The following FARP1 variants were observed in gnomAD, a reference collection of about 807,000 sequenced individuals.
The protein encoded by FARP1 is FERM, ARH/RhoGEF and pleckstrin domain protein 1.
Under a neutral mutation model 128.8 loss-of-function variants are expected in FARP1, and 52 were observed. The observed-to-expected ratio is 0.40, with a 90% confidence interval of 0.32 to 0.51. The LOEUF (loss-of-function observed/expected upper bound fraction) is 0.51. FARP1 is among the 20% of genes least tolerant of loss of function. The pLI is 0.45. For missense variants in FARP1, 1,333 were observed against 1,367.9 expected, an observed-to-expected ratio of 0.97 and a Z score of 0.40; for synonymous variants, 580 against 551.8, an observed-to-expected ratio of 1.05 and a Z score of -0.72.
In FARP1 at chr13:98,176,442, G is replaced by A. The variant is rs1878037477; in HGVS notation, c.-24+32950G>A. ...AATGCCTGCACTTGGTGACGACTGG[G>A]TTTTGGAAGGCCTGGCGACATATGA... On this transcript the variant is annotated intron_variant, in intron 1 of 26. Coordinates refer to ENST00000319562, the MANE Select transcript of FARP1 (RefSeq NM_005766.4). This position sits in a 1 kb window ranked among gnomAD's most constrained non-coding sequence, Gnocchi z 6.2. The A allele has an allele frequency of 6.2e-7, 1 of 1,614,114 alleles. No individual in the cohort carries two copies. Among genetic ancestry groups the A allele is most frequent in the African/African-American group, 1.3e-5 (1 of 74,936 alleles).
intron 1 of FARP1, among the ~76,000 whole-genome samples, chr13:98,171,986 C>T (rs1877686461): frequency 6.6e-6 from 1 of 152,208 alleles, no homozygotes; most frequent in Non-Finnish European, 1.5e-5. Flanking sequence ...TCTCTGGCTG[C>T]AGGTGTTGTG....
intron 2 of FARP1, among the ~76,000 whole-genome samples, chr13:98,293,273 G>A (rs1431345962): frequency 1.3e-5 from 2 of 152,150 alleles, no homozygotes; most frequent in African/African-American, 2.4e-5. Flanking sequence ...TATTTACCAA[G>A]CTAAGGAGGT....
Position 98,170,853 on chromosome 13 carries a change from C to G in FARP1, c.-24+27361C>G, listed in dbSNP as rs1353827080. 2.6e-5 allele frequency among the ~76,000 whole-genome samples: 4 copies of G among 152,158 alleles called. No homozygotes were observed. The South Asian group carries it at 8.3e-4, about 32-fold the overall frequency. On this transcript the variant is annotated intron_variant, in intron 1 of 26. Coordinates refer to ENST00000319562, the MANE Select transcript of FARP1 (RefSeq NM_005766.4). The stretch of plus-strand genomic sequence containing the variant: ...TGTTTTGGATGTGACTTTCATTTTG[C>G]AGGCTTTTCTTGAATGCGTACTGAT...
At chr13:98,442,302 T>C (rs1189622295) in intron 24 of FARP1, among the ~76,000 whole-genome samples, 2 of 152,232 alleles carry the variant, frequency 1.3e-5, no homozygotes, top group African/African-American at 4.8e-5. Context: ...CAGTGCTTCA[T>C]GGAGGGTCTC....
intron 2 of FARP1, among the ~76,000 whole-genome samples, chr13:98,327,648 G>A (rs1455768401): frequency 6.6e-6 from 1 of 152,198 alleles, no homozygotes; most frequent in Non-Finnish European, 1.5e-5. Context: ...TCTTGTCCAT[G>A]GGGGATACAT....
chr13:98,265,972 C>T (rs551228986), intron 2 of FARP1, among the ~76,000 whole-genome samples: 1 of 152,220 alleles, frequency 6.6e-6, no homozygotes, highest in South Asian at 2.1e-4. Context: ...TCCCTTGTTT[C>T]CCAAGGGTGA....
chr13:98,272,453 C>G (rs993011925), intron 2 of FARP1, among the ~76,000 whole-genome samples: 1 of 152,112 alleles, frequency 6.6e-6, no homozygotes, highest in Non-Finnish European at 1.5e-5. Flanking sequence ...TTTGGGAACC[C>G]GTTCGTGAAA....
intron 2 of FARP1, among the ~76,000 whole-genome samples, chr13:98,324,912 G>A (rs1313799477): frequency 1.3e-5 from 2 of 152,192 alleles, no homozygotes; most frequent in African/African-American, 2.4e-5. Context: ...GCTGCCTTCC[G>A]AACTATTATT....
intron 4 of FARP1, among the ~76,000 whole-genome samples, chr13:98,366,934 A>C (rs1889112318): frequency 1.3e-5 from 2 of 152,244 alleles, no homozygotes; most frequent in South Asian, 4.1e-4. Context: ...ATACATAATT[A>C]GTATTTGTAT....
chr13:98,297,579 T>G (rs2139686974), intron 2 of FARP1, among the ~76,000 whole-genome samples: 1 of 152,308 alleles, frequency 6.6e-6, no homozygotes, highest in Middle Eastern at 3.4e-3. Context: ...AACTGCCCCG[T>G]GTTTAAATGA....
intron 1 of FARP1, among the ~76,000 whole-genome samples, chr13:98,206,598 A>T (rs1270888052): frequency 1.3e-5 from 2 of 152,150 alleles, no homozygotes; most frequent in African/African-American, 4.8e-5. Context: ...GATGTCTCCC[A>T]GTTTCCTCAG....
rs537649307 is a variant in FARP1, at chr13:98,357,162, T to TG, written c.277-8227dup. On this transcript the variant is annotated intron_variant, in intron 3 of 26. Transcript: ENST00000319562. ...CAGACTAACAATCCTTGCCTTTTAA[T>TG]GGGGGGTGGAGGGGTTAGACCATTT... Among the ~76,000 whole-genome samples, 45 of 152,280 alleles carry TG rather than the reference T, an allele frequency of 3.0e-4. 2 individuals are homozygous for TG. The East Asian group carries it at 7.9e-3, about 27-fold the overall frequency.
chr13:98,213,231 G>T lies in FARP1; in HGVS notation c.-12G>T. ...ACTGCTTCCTGCAGATATTCTCTAA[G>T]CCGCTTTCATCATGGGAGAAATAGA... On this transcript the variant is annotated 5_prime_UTR_variant, in exon 2 of 27. Transcript: ENST00000319562. 1 of 1,609,742 alleles carries T rather than the reference G, an allele frequency of 6.2e-7. No homozygotes were observed. The highest frequency in any genetic ancestry group is 1.1e-5 in the South Asian group (1 of 90,466).
intron 9 of FARP1, 141 bp from the exon 10 acceptor site, chr13:98,389,816 T>A (rs1240783998): frequency 1.4e-6 from 1 of 734,218 alleles, no homozygotes; most frequent in African/African-American, 1.8e-5. Flanking sequence ...GTTTAGTAAG[T>A]CTTTGCACTG....
At chr13:98,389,062 C>T (rs533120083) in intron 9 of FARP1, among the ~76,000 whole-genome samples, 43 of 152,332 alleles carry the variant, frequency 2.8e-4, no homozygotes, top group African/African-American at 8.7e-4. Context: ...GGCGTCTGTC[C>T]CCAACCAGCG....
At chr13:98,174,524 T>C (rs543501852) in intron 1 of FARP1, among the ~76,000 whole-genome samples, 1 of 152,298 alleles carries the variant, frequency 6.6e-6, no homozygotes, top group Non-Finnish European at 1.5e-5. Flanking sequence ...AAATAGCCCT[T>C]TGACAGAACT....
intron 2 of FARP1, among the ~76,000 whole-genome samples, chr13:98,229,027 G>A (rs183555920): frequency 6.6e-6 from 1 of 152,306 alleles, no homozygotes; most frequent in East Asian, 1.9e-4. Flanking sequence ...CTTTGAGCAA[G>A]CAAGCCAAGT....
chr13:98,222,879 G>A (rs193258651), intron 2 of FARP1, among the ~76,000 whole-genome samples: 75 of 149,896 alleles, frequency 5.0e-4, no homozygotes, highest in African/African-American at 1.6e-3. Context: ...CTCGCAACCC[G>A]GCTGCCTTGG....
Position 98,309,153 on chromosome 13 carries a change from C to CT in FARP1, c.172-34579dup, listed in dbSNP as rs56030081. 7.7e-3 allele frequency among the ~76,000 whole-genome samples: 686 copies of CT among 89,666 alleles called. 91 individuals are homozygous for CT. Among genetic ancestry groups the CT allele is most frequent in the Non-Finnish European group, 0.012 (559 of 48,388 alleles). 58.8% of individuals were successfully genotyped at this position (89,666 alleles called of 152,430 possible). On this transcript the variant is annotated intron_variant, in intron 2 of 26. Coordinates refer to ENST00000319562, the MANE Select transcript of FARP1 (RefSeq NM_005766.4). ...TATATTAATATTAATTTTAAGAGGCCTTTTTTTTTTTTTTTTTTTTTTTTT... is the reference window on the plus strand; with the variant it reads ...TATATTAATATTAATTTTAAGAGGCCTTTTTTTTTTTTTTTTTTTTTTTTTT...
Sources: allele counts gnomAD v4.1 joint callset (sites outside exome capture counted in the v4.1 genomes callset), GRCh38; gene constraint gnomAD v4.1.1; non-coding constraint Gnocchi (gnomAD v3.1); transcripts MANE v1.5; gene names NCBI Gene and HGNC (gene_info 2026-07-23, HGNC 2026-07-21).